C1GALT1: variants seen among roughly 807,000 people sequenced by gnomAD.
C1GALT1 encodes glycoprotein-N-acetylgalactosamine 3-beta-galactosyltransferase 1.
Under a neutral mutation model 31.0 loss-of-function variants are expected in C1GALT1, and 11 were observed. The ratio of observed to expected loss-of-function variants is 0.36; its 90% CI spans 0.22 to 0.59. The LOEUF is 0.59. C1GALT1 is among the 20% of genes least tolerant of loss of function. The probability of loss-of-function intolerance (pLI) is 0.79; values close to 1 mark genes in which losing one functional copy is unlikely to be tolerated. For synonymous variants in C1GALT1, 175 were observed against 143.6 expected (o/e 1.22, Z -1.56); for missense variants, 424 against 425.2 (o/e 1.00, Z 0.03).
chr7:7,199,582 C>T (rs966185967), intron 1 of C1GALT1, among the ~76,000 whole-genome samples: 1 of 145,474 alleles, frequency 6.9e-6, no homozygotes, highest in African/African-American at 2.7e-5. Context: ...AGTTCAATTC[C>T]TGGATATCCT....
chr7:7,195,489 T>TCC (rs1391904518), intron 1 of C1GALT1, among the ~76,000 whole-genome samples: 3 of 152,212 alleles, frequency 2.0e-5, no homozygotes, highest in African/African-American at 4.8e-5. Flanking sequence ...TTTTGAGGGT[T>TCC]CCTTTTGGAG....
intron 2 of C1GALT1, among the ~76,000 whole-genome samples, chr7:7,167,006 A>G (rs1780405439): frequency 6.6e-6 from 1 of 152,214 alleles, no homozygotes; most frequent in South Asian, 2.1e-4. Context: ...GACAAATTTT[A>G]TGATTTGAAT....
chr7:7,231,409 C>T (rs576513371), intron 1 of C1GALT1, among the ~76,000 whole-genome samples: 1 of 152,226 alleles, frequency 6.6e-6, no homozygotes, highest in South Asian at 2.1e-4. Flanking sequence ...ACCACTTCTC[C>T]TGAGTTATGT....
intron 1 of C1GALT1, among the ~76,000 whole-genome samples, chr7:7,229,613 G>A (rs1046755114): frequency 1.3e-5 from 2 of 152,062 alleles, no homozygotes; most frequent in Admixed American, 6.6e-5. Context: ...CAAGATTTCT[G>A]GTTAGAGCAA....
chr7:7,188,725 AATC>A (rs1780928689), intron 1 of C1GALT1, among the ~76,000 whole-genome samples: 1 of 152,146 alleles, frequency 6.6e-6, no homozygotes, highest in Non-Finnish European at 1.5e-5. Flanking sequence ...AGCCAAGTGA[AATC>A]ATACTAGAAA....
In C1GALT1 at chr7:7,158,611, A is replaced by G. The variant is rs148200403; in HGVS notation, c.-18+1185A>G. On this transcript the variant is annotated intron_variant, in intron 2 of 3. Transcript: ENST00000429911. ...ATTTATATATTATATAAACATTTGT[A>G]TAAATGTACAGGTATATACACATGT... 3.3e-3 allele frequency among the ~76,000 whole-genome samples: 498 copies of G among 150,814 alleles called. 6 individuals carry two copies. Among genetic ancestry groups the G allele is most frequent in the African/African-American group, 0.011 (471 of 41,270 alleles).
chr7:7,212,466 G>A (rs1306478974), intron 1 of C1GALT1, among the ~76,000 whole-genome samples: 1 of 152,210 alleles, frequency 6.6e-6, no homozygotes, highest in Non-Finnish European at 1.5e-5. Context: ...ATTGCCATAA[G>A]TTAAGAGTAA....
chr7:7,225,910 TAGAC>T (rs1271874081), intron 1 of C1GALT1, among the ~76,000 whole-genome samples: 5 of 152,174 alleles, frequency 3.3e-5, no homozygotes, highest in African/African-American at 9.7e-5. Context: ...GGAAAGTTAA[TAGAC>T]AGCTATAGGT....
chr7:7,237,443 C>A (rs140555666), intron 2 of C1GALT1, among the ~76,000 whole-genome samples: 1 of 152,336 alleles, frequency 6.6e-6, no homozygotes, highest in African/African-American at 2.4e-5. Context: ...GTTAAGTGGA[C>A]ATTTTGATTG....
At chr7:7,237,036 A>G (rs1293568308) in intron 2 of C1GALT1, among the ~76,000 whole-genome samples, 3 of 152,242 alleles carry the variant, frequency 2.0e-5, no homozygotes, top group African/African-American at 7.2e-5. Flanking sequence ...TTCTGGTCCT[A>G]TAACTAAAGA....
At position 7,244,202 on chromosome 7, in the gene C1GALT1, T is replaced by C. The variant is rs571274226; in HGVS notation, c.*475T>C. On this transcript the variant is annotated 3_prime_UTR_variant, in exon 4 of 4. Coordinates refer to ENST00000436587, the MANE Select transcript of C1GALT1 (RefSeq NM_020156.5). ...TATATTTGCAGTATGCTATAAATGA[T>C]ACCCCCCTACCACACCCACACACAC... is the stretch of plus-strand genomic sequence containing the variant. The C allele has an allele frequency of 6.6e-6, 1 of 152,558 alleles. No homozygotes were observed. Among genetic ancestry groups the C allele is most frequent in the South Asian group, 2.1e-4 (1 of 4,832 alleles). 9.5% of individuals were successfully genotyped at this position (152,558 alleles called of 1,614,324 possible). A position where few individuals can be genotyped will look rare whatever the true frequency, so the allele number is the denominator to read the frequency against.
chr7:7,234,409 G>T lies in C1GALT1; in HGVS notation c.90G>T (p.Leu30Phe), dbSNP rs1208525012. 2 of 1,613,816 alleles carry T rather than the reference G, an allele frequency of 1.2e-6. No individual in the cohort carries two copies. Among genetic ancestry groups the T allele is most frequent in the Non-Finnish European group, 1.7e-6 (2 of 1,179,838 alleles). The change falls in exon 2 of 4, where the codon TTG (leucine) becomes TTT (phenylalanine). Residue 30 changes from leucine to phenylalanine, a missense_variant. By Grantham distance (22) the Leu-to-Phe change is conservative. Transcript: ENST00000436587. ...FLLCSQLFSI[L>F]LGEKVDTQPN... is the part of the protein sequence containing the mutation. The stretch of plus-strand genomic sequence containing the variant: ...TATGTTCTCAGCTATTTAGTATTTT[G>T]TTGGGAGAAAAGGTTGACACCCAGC...
chr7:7,214,361 A>G (rs1031076645), intron 1 of C1GALT1, among the ~76,000 whole-genome samples: 1 of 152,210 alleles, frequency 6.6e-6, no homozygotes, highest in Non-Finnish European at 1.5e-5. Context: ...GAGTGGTAAG[A>G]CAAAAAATGG....
At chr7:7,241,867 A>G (rs917535960) in intron 3 of C1GALT1, among the ~76,000 whole-genome samples, 53 of 152,110 alleles carry the variant, frequency 3.5e-4, no homozygotes, top group African/African-American at 1.2e-3. Flanking sequence ...AATGCTTAAC[A>G]GAATCCTGGC....
chr7:7,242,575 T>C (rs1387507082), intron 3 of C1GALT1, among the ~76,000 whole-genome samples: 1 of 152,104 alleles, frequency 6.6e-6, no homozygotes, highest in Non-Finnish European at 1.5e-5. Flanking sequence ...AGATGTCAGA[T>C]GGAGCCTGAA....
In C1GALT1 at chr7:7,244,834, A is replaced by G. The variant is rs1278526840; in HGVS notation, c.*1107A>G. Reference sequence around the variant, plus strand: ...GATTTTGATGAGAATTAAAAACAATAGAAAATGTAGAGTGCTTAAACAAAA... The same window carrying G: ...GATTTTGATGAGAATTAAAAACAATGGAAAATGTAGAGTGCTTAAACAAAA... On this transcript the variant is annotated 3_prime_UTR_variant, in exon 4 of 4. Transcript: ENST00000436587. 6.6e-6 allele frequency: 1 copy of G among 152,228 alleles called. No homozygotes were observed. The highest frequency in any genetic ancestry group is 1.5e-5 in the Non-Finnish European group (1 of 68,026). The allele number at this position is 152,228 out of a possible 1,614,324, so 9.4% of individuals were successfully genotyped here.
chr7:7,236,454 A>G (rs1365238628), intron 2 of C1GALT1, among the ~76,000 whole-genome samples: 1 of 152,176 alleles, frequency 6.6e-6, no homozygotes, highest in Admixed American at 6.5e-5. Flanking sequence ...GACTGAAAGT[A>G]GGGTGATTTT....
In C1GALT1 at chr7:7,238,557, A is replaced by G. The variant is rs755008390; in HGVS notation, c.523A>G (p.Ile175Val). 6.2e-7 allele frequency: 1 copy of G among 1,614,158 alleles called. No homozygotes were observed. Among genetic ancestry groups the G allele is most frequent in the Non-Finnish European group, 8.5e-7 (1 of 1,179,994 alleles). Reference protein sequence around the residue: ...FLKADDDTYVILDNLRWLLSK... With the variant: ...FLKADDDTYVVLDNLRWLLSK... ...GAAAGCAGATGATGACACGTATGTC[A>G]TACTAGACAATTTGAGGTGGCTTCT... The change falls in exon 3 of 4, where the codon ATA becomes GTA. Residue 175 changes from isoleucine (I) to valine (V), a missense_variant. Ile to Val is a conservative substitution (Grantham distance 29). Transcript: ENST00000436587. This position sits in a 1 kb window ranked among gnomAD's most constrained non-coding sequence, Gnocchi z 5.2.
chr7:7,188,352 A>C (rs1032656119), intron 1 of C1GALT1, among the ~76,000 whole-genome samples: 1 of 152,198 alleles, frequency 6.6e-6, no homozygotes, highest in Non-Finnish European at 1.5e-5. Context: ...TGAATTAGAG[A>C]TGCCTATGGT....
Sources: gnomAD v4.1 joint callset for allele counts (sites outside exome capture counted in the v4.1 genomes callset) on GRCh38, gnomAD v4.1.1 for gene constraint, Gnocchi (gnomAD v3.1) non-coding constraint, MANE v1.5 for transcripts, NCBI Gene and HGNC (gene_info 2026-07-23, HGNC 2026-07-21) for gene names.